PLB1: variants seen among roughly 807,000 people sequenced by gnomAD.
PLB1 encodes phospholipase B1.
In PLB1, 242 loss-of-function variants were observed where a neutral mutation model predicts 227.4. That is an observed-to-expected ratio of 1.06 (90% CI 0.96 to 1.18). The LOEUF (loss-of-function observed/expected upper bound fraction) is 1.18, where lower values mean the gene tolerates loss of function less well. PLB1 is among the 50% of genes most tolerant of loss of function. The pLI, the probability that PLB1 is intolerant of heterozygous loss-of-function variation, is 0.00. For synonymous variants in PLB1, 757 were observed against 682.2 expected (o/e 1.11, Z -1.71); for missense variants, 1,858 against 1,816.3 (o/e 1.02, Z -0.42).
intron 43 of PLB1, among the ~76,000 whole-genome samples, chr2:28,608,421 G>A (rs905930321): frequency 6.6e-5 from 10 of 150,948 alleles, no homozygotes; most frequent in Admixed American, 4.6e-4. Context: ...AAGACGCAGT[G>A]GGGGGCGGGA....
At chr2:28,595,931 G>C (rs1404359894) in intron 33 of PLB1, 1 of 152,128 alleles carries the variant, frequency 6.6e-6, no homozygotes. Context: ...TGTAGTGAAC[G>C]GTTCCAGCTT....
At chr2:28,606,206 T>C (rs188613572) in intron 42 of PLB1, among the ~76,000 whole-genome samples, 4 of 152,320 alleles carry the variant, frequency 2.6e-5, no homozygotes, top group African/African-American at 7.2e-5. Context: ...TTCATTCCAC[T>C]TTCCCTATGT....
chr2:28,599,371 A>G (rs1683500619), intron 35 of PLB1, among the ~76,000 whole-genome samples: 1 of 152,172 alleles, frequency 6.6e-6, no homozygotes, highest in Non-Finnish European at 1.5e-5. Flanking sequence ...CAGCCATCTG[A>G]GCCTCTGTCA....
intron 25 of PLB1, chr2:28,585,552 C>T (rs1573186144): frequency 2.0e-6 from 1 of 499,446 alleles, no homozygotes; most frequent in South Asian, 2.1e-5. Flanking sequence ...GCTGGCATTA[C>T]AGGCGTGAGC....
rs528519831 is a variant in PLB1 at position 28,618,503 on chromosome 2, C to T, written c.3315+104C>T. The T allele has an allele frequency of 8.2e-6, 10 of 1,222,706 alleles. No individual in the cohort carries two copies. The East Asian group carries it at 9.5e-5, about 12-fold the overall frequency. 75.7% of individuals were successfully genotyped at this position (1,222,706 alleles called of 1,614,324 possible). ...TTGGCTCCGCTTTCAGTGCTGAGCCCGTGTTACTGAGGGCCTACCCATGTC... is the reference window on the plus strand; with the variant it reads ...TTGGCTCCGCTTTCAGTGCTGAGCCTGTGTTACTGAGGGCCTACCCATGTC... On this transcript the variant is annotated intron_variant, in intron 46 of 57. Coordinates refer to ENST00000327757, the MANE Select transcript of PLB1 (RefSeq NM_153021.5).
In PLB1 at chr2:28,578,425, G is replaced by A. The variant is rs112152661; in HGVS notation, c.1485+267G>A. Among the ~76,000 whole-genome samples, 411 of 152,250 alleles carry A rather than the reference G, an allele frequency of 2.7e-3. 1 individual carries two copies. The highest frequency in any genetic ancestry group is 9.1e-3 in the African/African-American group (377 of 41,544). On this transcript the variant is annotated intron_variant, in intron 22 of 57. Transcript: ENST00000327757. Reference sequence around the variant, plus strand: ...TCCTGTCCTCAAGGAGCTTGGAAGCGGAGACCAATGTGAAGAATCAAATTA... The same window carrying A: ...TCCTGTCCTCAAGGAGCTTGGAAGCAGAGACCAATGTGAAGAATCAAATTA...
chr2:28,504,319 C>T (rs1185988196), intron 1 of PLB1, among the ~76,000 whole-genome samples: 1 of 152,130 alleles, frequency 6.6e-6, no homozygotes, highest in Non-Finnish European at 1.5e-5. Flanking sequence ...TAAACCTGAT[C>T]GTTGAAGATT....
intron 20 of PLB1, among the ~76,000 whole-genome samples, chr2:28,571,494 A>G (rs1678006354): frequency 6.6e-6 from 1 of 152,232 alleles, no homozygotes; most frequent in Non-Finnish European, 1.5e-5. Flanking sequence ...GAATATCCCA[A>G]GAAATCTAGA....
At chr2:28,611,198 C>T (rs1323989497) in intron 43 of PLB1, among the ~76,000 whole-genome samples, 3 of 152,342 alleles carry the variant, frequency 2.0e-5, no homozygotes, top group Non-Finnish European at 4.4e-5. Flanking sequence ...TGGCCTCAGT[C>T]TGCAACACAT....
intron 20 of PLB1, among the ~76,000 whole-genome samples, chr2:28,567,369 A>T (rs1279871418): frequency 6.6e-6 from 1 of 151,708 alleles, no homozygotes; most frequent in Non-Finnish European, 1.5e-5. Context: ...GCAGGAGGAG[A>T]TGAAGTTATC....
At chr2:28,620,370 T>C (rs1686861232) in intron 47 of PLB1, 38 bp downstream of exon 47, 2 of 1,533,786 alleles carry the variant, frequency 1.3e-6, no homozygotes, top group African/African-American at 1.4e-5. Flanking sequence ...TTGATGATGC[T>C]CTCTCAGAGA....
At chr2:28,608,376 G>C (rs944077760) in intron 43 of PLB1, among the ~76,000 whole-genome samples, 7 of 152,208 alleles carry the variant, frequency 4.6e-5, no homozygotes, top group South Asian at 2.1e-4. Flanking sequence ...TTTTGTCCTA[G>C]ATGTGTCTAA....
intron 47 of PLB1, 104 bp from the exon 48 acceptor site, chr2:28,620,496 G>A (rs1203853596): frequency 7.7e-6 from 11 of 1,432,146 alleles, no homozygotes; most frequent in Admixed American, 2.1e-5. Flanking sequence ...TGGGAGAGAC[G>A]CCCCAGGGGC....
At chr2:28,602,536 A>G (rs765929144) in intron 38 of PLB1, among the ~76,000 whole-genome samples, 1 of 152,198 alleles carries the variant, frequency 6.6e-6, no homozygotes, top group Non-Finnish European at 1.5e-5. Context: ...ATTCTAATGT[A>G]TCTGGGCTTG....
intron 18 of PLB1, among the ~76,000 whole-genome samples, chr2:28,564,384 C>T (rs1192046179): frequency 1.3e-5 from 2 of 152,178 alleles, no homozygotes; most frequent in Admixed American, 6.5e-5. Flanking sequence ...CAGCCTCCTC[C>T]GTGGCCCCTC....
At chr2:28,581,493 AT>A (rs199990201) in intron 23 of PLB1, among the ~76,000 whole-genome samples, 11,955 of 66,086 alleles carry the variant, frequency 0.18, 1,091 homozygotes, top group African/African-American at 0.31. Flanking sequence ...AAAAAAATAA[AT>A]AAATAAATAA....
intron 17 of PLB1, among the ~76,000 whole-genome samples, chr2:28,555,323 G>A (rs375823730): frequency 8.7e-4 from 132 of 152,052 alleles, no homozygotes; most frequent in South Asian, 2.9e-3. Flanking sequence ...TGTATTTTTT[G>A]TAGAGACAGG....
At chr2:28,567,672 C>T (rs1161438188) in intron 20 of PLB1, among the ~76,000 whole-genome samples, 1 of 152,002 alleles carries the variant, frequency 6.6e-6, no homozygotes, top group South Asian at 2.1e-4. Flanking sequence ...CAGGGTTTCA[C>T]CATGTTGGCC....
At chr2:28,565,660 C>T (rs558261692) in intron 19 of PLB1, among the ~76,000 whole-genome samples, 9 of 152,278 alleles carry the variant, frequency 5.9e-5, no homozygotes, top group African/African-American at 1.7e-4. Flanking sequence ...AGGCAGTGGC[C>T]TGAGTGATGC....
Sources: gnomAD v4.1 joint callset for allele counts (sites outside exome capture counted in the v4.1 genomes callset) on GRCh38, gnomAD v4.1.1 for gene constraint, MANE v1.5 for transcripts, NCBI Gene and HGNC (gene_info 2026-07-23, HGNC 2026-07-21) for gene names.